The following IGF2BP3 variants were observed in gnomAD, a reference collection of about 807,000 sequenced individuals.
The protein encoded by IGF2BP3 is insulin-like growth factor 2 mRNA-binding protein 3.
IGF2BP3 carries 9 observed loss-of-function variants against 73.8 expected under a neutral mutation model. That is an observed-to-expected ratio of 0.12 (90% confidence interval 0.07 to 0.21). The LOEUF (loss-of-function observed/expected upper bound fraction) is 0.21, where lower values mean the gene tolerates loss of function less well. Ranked by LOEUF, IGF2BP3 falls within the 10% of genes least tolerant of loss-of-function variation. The pLI, the probability that IGF2BP3 is intolerant of heterozygous loss-of-function variation, is 1.00. For synonymous variants in IGF2BP3, 258 were observed against 256.7 expected (o/e 1.01, Z -0.05); for missense variants, 542 against 714.0 (o/e 0.76, Z 2.75).
chr7:23,314,181 C>T (rs566747368), intron 12 of IGF2BP3, among the ~76,000 whole-genome samples: 3 of 148,986 alleles, frequency 2.0e-5, no homozygotes, highest in African/African-American at 7.5e-5. Context: ...CCACACCTGA[C>T]TTATTTTTTT....
chr7:23,448,883 T>G (rs7777271), intron 2 of IGF2BP3, among the ~76,000 whole-genome samples: 4 of 152,028 alleles, frequency 2.6e-5, no homozygotes, highest in Non-Finnish European at 5.9e-5. Flanking sequence ...CTGCCCGCCT[T>G]GGCCTCCCAA....
At chr7:23,416,613 C>T (rs919947724) in intron 3 of IGF2BP3, among the ~76,000 whole-genome samples, 2 of 152,154 alleles carry the variant, frequency 1.3e-5, no homozygotes, top group Non-Finnish European at 2.9e-5. Flanking sequence ...ACATAAGGTC[C>T]GGTCATTCCA....
In IGF2BP3 at chr7:23,347,737, G is replaced by C; in HGVS notation, c.684-3C>G. ...TTTCTTTACGGTGGACATCGATTCT[G>C]ATAGTGGGCGCAAGCAGAGAGGAAA... On this transcript the variant is annotated splice_region_variant and splice_polypyrimidine_tract_variant and intron_variant, in intron 6 of 14. Coordinates refer to ENST00000258729, the MANE Select transcript of IGF2BP3 (RefSeq NM_006547.3). 6.2e-7 allele frequency: 1 copy of C among 1,614,032 alleles called. No individual in the cohort carries two copies. The highest frequency in any genetic ancestry group is 8.5e-7 in the Non-Finnish European group (1 of 1,180,006).
At chr7:23,388,538 C>T (rs1301957848) in intron 3 of IGF2BP3, among the ~76,000 whole-genome samples, 5 of 150,580 alleles carry the variant, frequency 3.3e-5, no homozygotes, top group Non-Finnish European at 7.4e-5. Flanking sequence ...GAAAATAAAT[C>T]GGTTTCAAGG....
intron 3 of IGF2BP3, among the ~76,000 whole-genome samples, chr7:23,392,687 T>C (rs1221265536): frequency 2.6e-5 from 4 of 152,180 alleles, no homozygotes; most frequent in South Asian, 2.1e-4. Context: ...CACAGTATGA[T>C]TGCATGATCA....
In IGF2BP3 at chr7:23,343,701, T is replaced by C. The variant is rs1256278611; in HGVS notation, c.1077+17A>G. The C allele has an allele frequency of 1.9e-6, 3 of 1,602,668 alleles. No individual in the cohort carries two copies. Among genetic ancestry groups the C allele is most frequent in the Non-Finnish European group, 1.7e-6 (2 of 1,172,774 alleles). On this transcript the variant is annotated intron_variant, in intron 9 of 14. Transcript: ENST00000258729. ...TATTTGTTAAAATAAAGACATGCCC[T>C]TCATAACAAAACTAACATTCATAGA...
chr7:23,425,958 C>A (rs1787496941), intron 2 of IGF2BP3, among the ~76,000 whole-genome samples: 1 of 145,458 alleles, frequency 6.9e-6, no homozygotes, highest in South Asian at 2.2e-4. Flanking sequence ...AGGGTGAGAT[C>A]CTATCTCAAA....
intron 5 of IGF2BP3, among the ~76,000 whole-genome samples, chr7:23,356,720 A>G (rs1223127263): frequency 6.6e-6 from 1 of 152,240 alleles, no homozygotes; most frequent in East Asian, 1.9e-4. Flanking sequence ...ATCAAGAATA[A>G]GAGGTTGACA....
intron 2 of IGF2BP3, among the ~76,000 whole-genome samples, chr7:23,445,735 A>G (rs1788050119): frequency 6.6e-6 from 1 of 152,168 alleles, no homozygotes; most frequent in Non-Finnish European, 1.5e-5. Context: ...CTAAAGTTAG[A>G]CTGGTATGGA....
chr7:23,406,872 G>A (rs1021943243), intron 3 of IGF2BP3, among the ~76,000 whole-genome samples: 4 of 152,096 alleles, frequency 2.6e-5, no homozygotes, highest in Non-Finnish European at 5.9e-5. Flanking sequence ...GTGCTGACTG[G>A]TGTGTTTACA....
At chr7:23,413,699 C>T (rs1044441082) in intron 3 of IGF2BP3, 1 of 152,350 alleles carries the variant, frequency 6.6e-6, no homozygotes, top group African/African-American at 2.4e-5. Flanking sequence ...ACATCCACAT[C>T]GTTGTCTGCT....
At chr7:23,430,151 T>A (rs1787632565) in intron 2 of IGF2BP3, among the ~76,000 whole-genome samples, 1 of 151,142 alleles carries the variant, frequency 6.6e-6, no homozygotes, top group African/African-American at 2.4e-5. Context: ...TGGCACGATC[T>A]CGGCTCACTG....
In IGF2BP3 at chr7:23,319,974, G is replaced by T. The variant is rs1026274006; in HGVS notation, c.1204-720C>A. Among the ~76,000 whole-genome samples, 4 of 151,940 alleles carry T rather than the reference G, an allele frequency of 2.6e-5. No homozygotes were observed. In the East Asian group the frequency reaches 7.7e-4, roughly 29 times the overall value. ...TGCCCAGACTAGAGTGCAATGGCAC[G>T]ATCTCGGCTCACTGCAACCTCCACC... is the stretch of plus-strand genomic sequence containing the variant. On this transcript the variant is annotated intron_variant, in intron 10 of 14. Transcript: ENST00000258729.
intron 3 of IGF2BP3, among the ~76,000 whole-genome samples, chr7:23,406,551 C>T (rs889817445): frequency 6.6e-6 from 1 of 152,066 alleles, no homozygotes; most frequent in Non-Finnish European, 1.5e-5. Flanking sequence ...AAGCCGCAGA[C>T]CTTTGCAGTG....
chr7:23,406,504 T>C (rs554572048), intron 3 of IGF2BP3, among the ~76,000 whole-genome samples: 25 of 152,306 alleles, frequency 1.6e-4, no homozygotes, highest in African/African-American at 6.0e-4. Context: ...AGTTTCTTCC[T>C]TCCAGTGGGT....
chr7:23,436,113 T>C (rs1006465455), intron 2 of IGF2BP3, among the ~76,000 whole-genome samples: 7 of 152,172 alleles, frequency 4.6e-5, no homozygotes, highest in Non-Finnish European at 7.3e-5. Flanking sequence ...AGGGAATCCT[T>C]GACATTAAGT....
chr7:23,322,979 A>G (rs554218295), intron 10 of IGF2BP3, among the ~76,000 whole-genome samples: 5 of 152,240 alleles, frequency 3.3e-5, no homozygotes, highest in Non-Finnish European at 4.4e-5. Flanking sequence ...GCCAAAACGT[A>G]AAGACCATCA....
intron 7 of IGF2BP3, among the ~76,000 whole-genome samples, chr7:23,346,592 T>C (rs1016789567): frequency 6.1e-5 from 9 of 147,212 alleles, no homozygotes; most frequent in African/African-American, 2.4e-4. Context: ...CTTTTCCTTT[T>C]TCTTTCTTTT....
At chr7:23,328,052 C>G (rs192146948) in intron 10 of IGF2BP3, among the ~76,000 whole-genome samples, 16 of 152,252 alleles carry the variant, frequency 1.1e-4, no homozygotes, top group Admixed American at 2.0e-4. Context: ...GTCTCTTTGT[C>G]TCTCTAGACG....
Sources: allele counts gnomAD v4.1 joint callset (sites outside exome capture counted in the v4.1 genomes callset), GRCh38; gene constraint gnomAD v4.1.1; transcripts MANE v1.5; gene names NCBI Gene and HGNC (gene_info 2026-07-23, HGNC 2026-07-21).